Variants in SMARCC1 observed in about 807,000 individuals in gnomAD.
The protein encoded by SMARCC1 is SWI/SNF related BAF chromatin remodeling complex subunit C1.
Under a neutral mutation model 147.4 loss-of-function variants are expected in SMARCC1, and 43 were observed. The ratio of observed to expected loss-of-function variants is 0.29; its 90% CI spans 0.23 to 0.38. The LOEUF is 0.38. SMARCC1 is among the 10% of genes least tolerant of loss of function. The pLI, the probability that SMARCC1 is intolerant of heterozygous loss-of-function variation, is 1.00. For synonymous variants in SMARCC1, 495 were observed against 484.4 expected (o/e 1.02, Z -0.29); for missense variants, 1,119 against 1,381.1 (o/e 0.81, Z 3.01).
rs2032077882 is a variant in SMARCC1 at position 47,586,802 on chromosome 3, T to G, written c.*1407A>C. 6.6e-6 allele frequency: 1 copy of G among 152,388 alleles called. No individual in the cohort carries two copies. Among genetic ancestry groups the G allele is most frequent in the South Asian group, 2.1e-4 (1 of 4,814 alleles). 9.4% of individuals were successfully genotyped at this position (152,388 alleles called of 1,614,324 possible). On this transcript the variant is annotated 3_prime_UTR_variant, in exon 28 of 28. Coordinates refer to ENST00000254480, the MANE Select transcript of SMARCC1 (RefSeq NM_003074.4). Reference sequence around the variant, plus strand: ...ACCAAAAACACCCTTTCCCCACACATGGAAGGACAGAAGGGAGGGAAGGAC... The same window carrying G: ...ACCAAAAACACCCTTTCCCCACACAGGGAAGGACAGAAGGGAGGGAAGGAC...
chr3:47,588,360 G>C, intron 27 of SMARCC1, 54 bp from the exon 28 acceptor site: 2 of 1,524,980 alleles, frequency 1.3e-6, no homozygotes, highest in Non-Finnish European at 1.8e-6. Context: ...AGAGACTCAG[G>C]AAAGAGCCTA....
intron 11 of SMARCC1, among the ~76,000 whole-genome samples, chr3:47,695,762 CAA>C (rs755840430): frequency 1.7e-4 from 10 of 59,916 alleles, no homozygotes; most frequent in Admixed American, 2.3e-4. Context: ...GATTCTGTCT[CAA>C]AAAAAAAAAA....
chr3:47,604,436 C>G (rs2032435577), intron 26 of SMARCC1: 1 of 382,932 alleles, frequency 2.6e-6, no homozygotes, highest in South Asian at 2.0e-5. Flanking sequence ...TCTTCAGCTC[C>G]CAATGTAAGC....
chr3:47,637,480 G>C (rs2032986167), intron 22 of SMARCC1, among the ~76,000 whole-genome samples: 1 of 152,206 alleles, frequency 6.6e-6, no homozygotes, highest in Admixed American at 6.5e-5. Context: ...GGGAAGCCAA[G>C]GTGGGTGGAT....
chr3:47,636,788 ATG>A (rs35445330), intron 22 of SMARCC1, among the ~76,000 whole-genome samples: 9,242 of 80,198 alleles, frequency 0.12, 307 homozygotes, highest in Middle Eastern at 0.16. Flanking sequence ...AAATATATAT[ATG>A]TGTGTGTGTG....
intron 6 of SMARCC1, among the ~76,000 whole-genome samples, chr3:47,725,787 C>T (rs944626552): frequency 1.3e-5 from 2 of 151,824 alleles, no homozygotes; most frequent in African/African-American, 2.4e-5. Flanking sequence ...TTTTGCTAGG[C>T]GCAGTGACTC....
chr3:47,767,160 G>A (rs141798076), intron 2 of SMARCC1, among the ~76,000 whole-genome samples: 1,342 of 123,380 alleles, frequency 0.011, 32 homozygotes, highest in African/African-American at 0.037. Context: ...TCCAGCCTGG[G>A]CAACAGAGCA....
intron 25 of SMARCC1, among the ~76,000 whole-genome samples, chr3:47,620,439 G>C (rs1349375093): frequency 6.6e-6 from 1 of 151,632 alleles, no homozygotes; most frequent in Admixed American, 6.6e-5. Context: ...CTCCAGCCTG[G>C]GTGACAGAGT....
rs2032086296 is a variant in SMARCC1 at position 47,587,290 on chromosome 3, T to C, written c.*919A>G. The C allele has an allele frequency of 8.6e-6, 1 of 116,360 alleles. No homozygotes were observed. Among genetic ancestry groups the C allele is most frequent in the South Asian group, 3.4e-4 (1 of 2,968 alleles). 7.2% of individuals were successfully genotyped at this position (116,360 alleles called of 1,614,324 possible). On this transcript the variant is annotated 3_prime_UTR_variant, in exon 28 of 28. Transcript: ENST00000254480. ...GGAGAAAAAAATGCACACAAAGCAG[T>C]GAATAGTAGGCTAGACTCATTGGGG...
At chr3:47,730,589 G>A (rs1199307711) in intron 5 of SMARCC1, among the ~76,000 whole-genome samples, 1 of 152,120 alleles carries the variant, frequency 6.6e-6, no homozygotes, top group East Asian at 1.9e-4. Context: ...ATAGCGGCTG[G>A]GTCCAGTGGC....
chr3:47,734,916 C>G (rs1348250942), intron 5 of SMARCC1, among the ~76,000 whole-genome samples: 1 of 152,180 alleles, frequency 6.6e-6, no homozygotes, highest in Non-Finnish European at 1.5e-5. Context: ...TGCCACCATG[C>G]CCAGCTAATT....
intron 3 of SMARCC1, among the ~76,000 whole-genome samples, chr3:47,739,507 AT>A (rs986302808): frequency 1.3e-5 from 2 of 152,028 alleles, no homozygotes; most frequent in African/African-American, 4.8e-5. Flanking sequence ...CTTTATTTTT[AT>A]TTTTGTAAAG....
chr3:47,740,202 TTTTTTTTTTA>T (rs1487856900), intron 3 of SMARCC1, among the ~76,000 whole-genome samples: 8 of 129,070 alleles, frequency 6.2e-5, no homozygotes, highest in Admixed American at 2.4e-4. Context: ...TTTTTTTTTT[TTTTTTTTTTA>T]AAAGACAGAC....
chr3:47,741,567 C>G (rs1210430034), intron 3 of SMARCC1, among the ~76,000 whole-genome samples: 1 of 151,182 alleles, frequency 6.6e-6, no homozygotes, highest in East Asian at 2.0e-4. Flanking sequence ...TTTCTCTTTT[C>G]CCTTACTCCT....
chr3:47,605,194 G>A (rs1389026825), intron 26 of SMARCC1, among the ~76,000 whole-genome samples: 1 of 152,152 alleles, frequency 6.6e-6, no homozygotes, highest in Admixed American at 6.5e-5. Flanking sequence ...CTGAACATAT[G>A]CATATCCTAT....
intron 3 of SMARCC1, among the ~76,000 whole-genome samples, chr3:47,739,257 G>A (rs1167335845): frequency 1.3e-5 from 2 of 152,082 alleles, no homozygotes; most frequent in Admixed American, 1.3e-4. Context: ...GGTTAAATGA[G>A]GTATATATTA....
Position 47,633,779 on chromosome 3 carries a change from T to TATATACACAC in SMARCC1, c.2646+1410_2646+1411insGTGTGTATAT, listed in dbSNP as rs1367543059. Among the ~76,000 whole-genome samples, 37 of 28,870 alleles carry TATATACACAC rather than the reference T, an allele frequency of 1.3e-3. 1 individual carries two copies. Among genetic ancestry groups the TATATACACAC allele is most frequent in the East Asian group, 3.1e-3 (2 of 648 alleles). 18.9% of individuals were successfully genotyped at this position (28,870 alleles called of 152,430 possible). On this transcript the variant is annotated intron_variant, in intron 24 of 27. Transcript: ENST00000254480. ...AAAAAAAAAAATATATATATATATA[T>TATATACACAC]ACACACACACACACACACACACACA...
At chr3:47,745,441 G>A (rs935554012) in intron 3 of SMARCC1, among the ~76,000 whole-genome samples, 13 of 152,076 alleles carry the variant, frequency 8.5e-5, no homozygotes, top group African/African-American at 2.4e-4. Context: ...GGCCGGGTGC[G>A]GTGGCTCACG....
intron 12 of SMARCC1, among the ~76,000 whole-genome samples, chr3:47,689,866 T>TA (rs773451043): frequency 1.2e-4 from 18 of 152,180 alleles, no homozygotes; most frequent in Non-Finnish European, 1.3e-4. Context: ...ATAGAGGGCT[T>TA]AGCATGAAAG....
Sources: gnomAD v4.1 joint callset for allele counts (sites outside exome capture counted in the v4.1 genomes callset) on GRCh38, gnomAD v4.1.1 for gene constraint, MANE v1.5 for transcripts, NCBI Gene and HGNC (gene_info 2026-07-23, HGNC 2026-07-21) for gene names.